OPCML: variants seen among roughly 807,000 people sequenced by gnomAD.
The protein encoded by OPCML is opioid-binding protein/cell adhesion molecule.
A neutral mutation model predicts 37.8 loss-of-function variants in OPCML; 13 were observed. That is an observed-to-expected ratio of 0.34 (90% CI 0.22 to 0.55). The LOEUF (loss-of-function observed/expected upper bound fraction) is 0.55, where lower values mean the gene tolerates loss of function less well. OPCML is among the 20% of genes least tolerant of loss of function. The pLI is 0.91. For synonymous variants in OPCML, 176 were observed against 168.8 expected (o/e 1.04, Z -0.33); for missense variants, 341 against 435.6 (o/e 0.78, Z 1.93).
chr11:133,162,071 G>A (rs1001876198), intron 1 of OPCML, among the ~76,000 whole-genome samples: 2 of 145,332 alleles, frequency 1.4e-5, no homozygotes, highest in Non-Finnish European at 3.0e-5. Flanking sequence ...CTGAAAGGAG[G>A]GACAGGGATT....
At chr11:132,951,710 G>A (rs2136698341) in intron 1 of OPCML, among the ~76,000 whole-genome samples, 1 of 152,258 alleles carries the variant, frequency 6.6e-6, no homozygotes, top group South Asian at 2.1e-4. Flanking sequence ...TATCTCTGTG[G>A]GCAGATAAGC....
intron 2 of OPCML, among the ~76,000 whole-genome samples, chr11:132,779,812 T>C (rs2136146844): frequency 6.6e-6 from 1 of 152,336 alleles, no homozygotes; most frequent in African/African-American, 2.4e-5. Context: ...ATGAAAGGGA[T>C]ACTTTAGATT....
At chr11:132,426,135 A>G (rs1417205209) in intron 7 of OPCML, among the ~76,000 whole-genome samples, 1 of 152,238 alleles carries the variant, frequency 6.6e-6, no homozygotes, top group Non-Finnish European at 1.5e-5. Flanking sequence ...AAACTGAGTG[A>G]CAACACAGTG....
chr11:133,074,856 A>G (rs980154487), intron 1 of OPCML, among the ~76,000 whole-genome samples: 2 of 152,206 alleles, frequency 1.3e-5, no homozygotes, highest in Non-Finnish European at 2.9e-5. Flanking sequence ...CAGAAGCCAC[A>G]TCTCTCAGCC....
intron 1 of OPCML, among the ~76,000 whole-genome samples, chr11:133,089,896 T>C (rs1441738439): frequency 6.6e-6 from 1 of 152,218 alleles, no homozygotes; most frequent in Non-Finnish European, 1.5e-5. Context: ...GCCACGTACT[T>C]TGGCACTGTT....
intron 1 of OPCML, among the ~76,000 whole-genome samples, chr11:133,086,663 C>T (rs1320180122): frequency 6.6e-6 from 1 of 152,138 alleles, no homozygotes; most frequent in Non-Finnish European, 1.5e-5. Context: ...CATCACCACC[C>T]GTGCTGTACC....
At chr11:133,441,474 T>G (rs1486744826) in intron 1 of OPCML, among the ~76,000 whole-genome samples, 1 of 152,198 alleles carries the variant, frequency 6.6e-6, no homozygotes, top group Non-Finnish European at 1.5e-5. Flanking sequence ...ACTATTTATA[T>G]GACTGTTTCA....
intron 1 of OPCML, among the ~76,000 whole-genome samples, chr11:132,987,239 AAC>A (rs1946696495): frequency 1.3e-5 from 2 of 152,128 alleles, no homozygotes; most frequent in African/African-American, 2.4e-5. Flanking sequence ...ATTCCTTGAC[AAC>A]AGTTTTGTAA....
chr11:133,008,823 C>T, intron 1 of OPCML: 4 of 885,570 alleles, frequency 4.5e-6, no homozygotes, highest in Non-Finnish European at 5.4e-6. Context: ...CTCCCTAATG[C>T]ACTTTCTGAA....
chr11:132,652,785 C>T lies in OPCML; in HGVS notation c.379+4302G>A, dbSNP rs542497892. Among the ~76,000 whole-genome samples the T allele has an allele frequency of 3.9e-5, 6 of 152,272 alleles. No individual in the cohort carries two copies. In the East Asian group the frequency reaches 5.8e-4, roughly 15 times the overall value. ...ACCTTTCCTCCATGACTGTCCTCTC[C>T]GAGTCATCTGGACATAGTCTGACTT... is the stretch of plus-strand genomic sequence containing the variant. On this transcript the variant is annotated intron_variant, in intron 3 of 7. Coordinates refer to ENST00000524381, the MANE Select transcript of OPCML (RefSeq NM_001012393.5).
At chr11:133,068,760 G>T (rs1193560051) in intron 1 of OPCML, among the ~76,000 whole-genome samples, 1 of 152,148 alleles carries the variant, frequency 6.6e-6, no homozygotes, top group African/African-American at 2.4e-5. Context: ...TAGCACATCT[G>T]CTTGACATCT....
At chr11:132,579,385 A>ATGTGTG (rs66467384) in intron 3 of OPCML, among the ~76,000 whole-genome samples, 10,118 of 146,560 alleles carry the variant, frequency 0.069, 870 homozygotes, top group African/African-American at 0.19. Flanking sequence ...TAGAATGAAT[A>ATGTGTG]TGTGTGTGTG....
intron 1 of OPCML, among the ~76,000 whole-genome samples, chr11:133,477,368 G>A (rs1297856948): frequency 6.6e-6 from 1 of 152,144 alleles, no homozygotes; most frequent in East Asian, 1.9e-4. Context: ...TTTCAACACG[G>A]TGAATGCCCT....
chr11:133,004,122 C>T, intron 1 of OPCML: 1 of 985,370 alleles, frequency 1.0e-6, no homozygotes, highest in Non-Finnish European at 1.2e-6. Context: ...TGGACACCCA[C>T]ACATCTCAAA....
At chr11:132,613,343 T>C (rs1387205238) in intron 3 of OPCML, among the ~76,000 whole-genome samples, 1 of 152,208 alleles carries the variant, frequency 6.6e-6, no homozygotes, top group Non-Finnish European at 1.5e-5. Context: ...AATCGGGACA[T>C]CCTCACTGAA....
At chr11:132,479,526 G>T (rs975738080) in intron 4 of OPCML, among the ~76,000 whole-genome samples, 1 of 152,236 alleles carries the variant, frequency 6.6e-6, no homozygotes, top group African/African-American at 2.4e-5. Flanking sequence ...GCCCACCACA[G>T]CTCAAGGAGG....
intron 1 of OPCML, among the ~76,000 whole-genome samples, chr11:133,078,065 A>T (rs1225253415): frequency 6.6e-6 from 1 of 152,208 alleles, no homozygotes; most frequent in East Asian, 1.9e-4. Flanking sequence ...TTCTGAGTCC[A>T]TCTCAGCCCC....
At chr11:132,549,266 GTAATTTAC>G (rs1444770604) in intron 3 of OPCML, among the ~76,000 whole-genome samples, 1 of 152,176 alleles carries the variant, frequency 6.6e-6, no homozygotes, top group African/African-American at 2.4e-5. Flanking sequence ...CAGCGCCTTG[GTAATTTAC>G]AAATGCTATG....
intron 2 of OPCML, among the ~76,000 whole-genome samples, chr11:132,671,783 T>A (rs74344856): frequency 6.6e-6 from 1 of 151,328 alleles, no homozygotes; most frequent in Non-Finnish European, 1.5e-5. Flanking sequence ...TTCCTTATCA[T>A]GGATTTTAAA....
Sources: allele counts gnomAD v4.1 joint callset (sites outside exome capture counted in the v4.1 genomes callset), GRCh38; gene constraint gnomAD v4.1.1; transcripts MANE v1.5; gene names NCBI Gene and HGNC (gene_info 2026-07-23, HGNC 2026-07-21).